ROCK1: variants seen among roughly 807,000 people sequenced by gnomAD.
ROCK1 encodes Rho associated coiled-coil containing protein kinase 1.
ROCK1 carries 36 observed loss-of-function variants against 196.8 expected under a neutral mutation model. The ratio of observed to expected loss-of-function variants is 0.18; its 90% confidence interval spans 0.14 to 0.24. ROCK1 has a LOEUF of 0.24. Ranked by LOEUF, ROCK1 falls within the 10% of genes least tolerant of loss-of-function variation. The probability of loss-of-function intolerance (pLI) is 1.00; values close to 1 mark genes in which losing one functional copy is unlikely to be tolerated. For synonymous variants in ROCK1, 443 were observed against 515.9 expected (o/e 0.86, Z 1.91); for missense variants, 920 against 1,562.0 (o/e 0.59, Z 6.93).
chr18:21,110,836 C>G lies in ROCK1; in HGVS notation c.75G>C (p.Val25=). The G allele has an allele frequency of 6.2e-7, 1 of 1,613,998 alleles. No homozygotes were observed. Among genetic ancestry groups the G allele is most frequent in the Non-Finnish European group, 8.5e-7 (1 of 1,179,822 alleles). ...TACTCACCAGCAAACAATCCGAATT[C>G]ACTTCCGATTTGGGATCCCGCAGCA... ...DNLLRDPKSE[V]NSDCLLDGLD... Residue 25 remains valine, a synonymous_variant, in exon 1 of 33, where the codon GTG becomes GTC. Transcript: ENST00000399799.
In ROCK1 at chr18:20,987,230, T is replaced by A; in HGVS notation, c.2144-120A>T. On this transcript the variant is annotated intron_variant, in intron 18 of 32. Transcript: ENST00000399799. ...TATTGTTTTTATTCTGGGACTTGAA[T>A]AGAGCTAGTAATTATAGAAATTCTC... The A allele has an allele frequency of 3.9e-6, 3 of 776,350 alleles. No individual in the cohort carries two copies. In the South Asian group the frequency reaches 5.2e-5, roughly 14 times the overall value. The allele number at this position is 776,350 out of a possible 1,614,324, so 48.1% of individuals were successfully genotyped here.
chr18:20,958,788 T>C (rs2035271968), intron 29 of ROCK1, among the ~76,000 whole-genome samples: 1 of 147,058 alleles, frequency 6.8e-6, no homozygotes, highest in African/African-American at 2.5e-5. Flanking sequence ...TAAGACATAA[T>C]ACAGTATAAA....
chr18:20,971,455 C>A (rs1315686807), intron 22 of ROCK1, among the ~76,000 whole-genome samples: 1 of 151,764 alleles, frequency 6.6e-6, no homozygotes. Context: ...AGAGATACAG[C>A]AGGCCGGAAG....
At chr18:20,969,290 A>T in intron 23 of ROCK1, 82 bp from the exon 24 acceptor site, 3 of 768,376 alleles carry the variant, frequency 3.9e-6, no homozygotes, top group Non-Finnish European at 6.6e-6. Context: ...ATATACTGCT[A>T]GATAAAGACA....
In ROCK1 at chr18:20,958,921, T is replaced by A. The variant is rs866752993; in HGVS notation, c.3512+919A>T. ...TTTATATATATATATTTTATATATT[T>A]TATATATATATTATATAAAAAATAA... On this transcript the variant is annotated intron_variant, in intron 29 of 32. Transcript: ENST00000399799. Among the ~76,000 whole-genome samples the A allele has an allele frequency of 9.8e-4, 95 of 96,526 alleles. No homozygotes were observed. The South Asian group carries it at 0.02, about 21-fold the overall frequency. 63.3% of individuals were successfully genotyped at this position (96,526 alleles called of 152,430 possible). A position where few individuals can be genotyped will look rare whatever the true frequency, so the allele number is the denominator to read the frequency against.
intron 1 of ROCK1, among the ~76,000 whole-genome samples, chr18:21,090,046 T>C (rs751799367): frequency 3.9e-5 from 6 of 152,238 alleles, no homozygotes; most frequent in Non-Finnish European, 8.8e-5. Context: ...TTCTGAACTT[T>C]TTGCACAGTT....
chr18:21,004,096 CTAT>C (rs2035748967), intron 16 of ROCK1, among the ~76,000 whole-genome samples: 1 of 152,100 alleles, frequency 6.6e-6, no homozygotes. Context: ...GAAACTTTCC[CTAT>C]AATCAATTGC....
At chr18:20,993,073 T>C in intron 16 of ROCK1, 136 bp from the exon 17 acceptor site, 1 of 579,196 alleles carries the variant, frequency 1.7e-6, no homozygotes, top group East Asian at 2.9e-5. Context: ...ATTAAGTGTT[T>C]TCACAATAAA....
chr18:21,104,031 G>A (rs945117991), intron 1 of ROCK1, among the ~76,000 whole-genome samples: 37 of 152,154 alleles, frequency 2.4e-4, no homozygotes, highest in African/African-American at 8.7e-4. Flanking sequence ...TAAACTAAAT[G>A]GATATACCCC....
intron 27 of ROCK1, among the ~76,000 whole-genome samples, chr18:20,962,291 G>A (rs1333449891): frequency 6.6e-6 from 1 of 152,170 alleles, no homozygotes; most frequent in Admixed American, 6.5e-5. Flanking sequence ...GGTAGAAATT[G>A]CAGCTCTGGT....
intron 1 of ROCK1, among the ~76,000 whole-genome samples, chr18:21,096,140 T>C (rs547137615): frequency 5.7e-4 from 87 of 152,206 alleles, no homozygotes; most frequent in African/African-American, 2.0e-3. Context: ...TAAATACATA[T>C]ATCTACTATG....
At chr18:21,019,432 T>A (rs1453605111) in intron 12 of ROCK1, among the ~76,000 whole-genome samples, 1 of 152,128 alleles carries the variant, frequency 6.6e-6, no homozygotes, top group African/African-American at 2.4e-5. Context: ...TTTAGTTAGC[T>A]AATTATGTAA....
chr18:20,979,047 G>A (rs1231015279), intron 22 of ROCK1, among the ~76,000 whole-genome samples: 3 of 152,204 alleles, frequency 2.0e-5, no homozygotes, highest in Admixed American at 6.5e-5. Flanking sequence ...ATCTTGTTGC[G>A]CCTGTCAGCT....
chr18:21,038,472 G>T (rs1352016473), intron 9 of ROCK1, among the ~76,000 whole-genome samples: 1 of 152,056 alleles, frequency 6.6e-6, no homozygotes. Context: ...GTACTTGAAG[G>T]CAATACAATT....
At chr18:20,958,315 G>C (rs1224140012) in intron 29 of ROCK1, among the ~76,000 whole-genome samples, 2 of 151,894 alleles carry the variant, frequency 1.3e-5, no homozygotes, top group African/African-American at 4.8e-5. Context: ...TAATTCCAAA[G>C]GGATGATAAT....
At chr18:20,997,853 G>C (rs1373836891) in intron 16 of ROCK1, among the ~76,000 whole-genome samples, 2 of 105,942 alleles carry the variant, frequency 1.9e-5, no homozygotes, top group African/African-American at 7.0e-5. Flanking sequence ...TTTTTTTTTT[G>C]AGACGAAGTT....
At chr18:20,970,650 T>C (rs8089184) in intron 22 of ROCK1, 137 bp from the exon 23 acceptor site, 52,241 of 612,090 alleles carry the variant, frequency 0.085, 6,003 homozygotes, top group African/African-American at 0.41. Context: ...TTAAATCCAT[T>C]GCAAACTTTC....
At chr18:21,079,778 G>A (rs1298791523) in intron 1 of ROCK1, among the ~76,000 whole-genome samples, 1 of 152,162 alleles carries the variant, frequency 6.6e-6, no homozygotes, top group African/African-American at 2.4e-5. Context: ...GTCTCGCAGA[G>A]CAAAGAAAGC....
chr18:20,995,342 A>G (rs2035661425), intron 16 of ROCK1, among the ~76,000 whole-genome samples: 1 of 152,362 alleles, frequency 6.6e-6, no homozygotes, highest in Non-Finnish European at 1.5e-5. Flanking sequence ...AGGGCCAAAT[A>G]GAAGCCTCCA....
Sources: allele counts gnomAD v4.1 joint callset (sites outside exome capture counted in the v4.1 genomes callset), GRCh38; gene constraint gnomAD v4.1.1; transcripts MANE v1.5; gene names NCBI Gene and HGNC (gene_info 2026-07-23, HGNC 2026-07-21).